Variants in RNF217 observed in about 807,000 individuals in gnomAD.
RNF217 encodes the protein ring finger protein 217, also known as E3 ubiquitin-protein ligase RNF217.
A neutral mutation model predicts 57.8 loss-of-function variants in RNF217; 31 were observed. The observed-to-expected ratio is 0.54, with a 90% CI of 0.40 to 0.72. The LOEUF is 0.72. RNF217 is among the 30% of genes least tolerant of loss of function. RNF217 has a pLI of 0.00. For synonymous variants in RNF217, 313 were observed against 294.0 expected, an observed-to-expected ratio of 1.06 and a Z score of -0.66; for missense variants, 696 against 708.3, an observed-to-expected ratio of 0.98 and a Z score of 0.20.
In RNF217 at chr6:124,962,843, C is replaced by A. The variant is rs1384764393; in HGVS notation, c.299C>A (p.Thr100Asn). 6 of 1,598,016 alleles carry A rather than the reference C, an allele frequency of 3.8e-6. No individual in the cohort carries two copies. Among genetic ancestry groups the A allele is most frequent in the Non-Finnish European group, 5.1e-6 (6 of 1,179,654 alleles). ...CTCACCGGGCCTCTCAATCCCCAGA[C>A]CTTGCCACTGCAGTTGGAGCTGGAG... ...LALTGPLNPQ[T>N]LPLQLELEEE... The change falls in exon 1 of 6, where the codon ACC becomes AAC. Residue 100 changes from threonine (T) to asparagine (N), a missense_variant. Thr to Asn is a moderately conservative substitution (Grantham distance 65). Around this residue, in one of 2 missense-constraint regions of RNF217, gnomAD observed 465 missense variants for 386.8 expected, o/e 1.20. Coordinates refer to ENST00000521654, the MANE Select transcript of RNF217 (RefSeq NM_001286398.3). The surrounding 1 kb of genome is among the most constrained non-coding windows in gnomAD (Gnocchi z 4.6).
At chr6:125,025,884 A>C (rs2114440870) in intron 1 of RNF217, among the ~76,000 whole-genome samples, 1 of 152,318 alleles carries the variant, frequency 6.6e-6, no homozygotes, top group Non-Finnish European at 1.5e-5. Context: ...TATTCTGTCA[A>C]GTACAAGGTG....
chr6:125,052,181 A>G (rs1787342646), intron 2 of RNF217, among the ~76,000 whole-genome samples: 1 of 151,914 alleles, frequency 6.6e-6, no homozygotes, highest in Non-Finnish European at 1.5e-5. Flanking sequence ...GCAATAAATA[A>G]TTGTGTTGCA....
intron 1 of RNF217, among the ~76,000 whole-genome samples, chr6:124,982,465 T>C (rs543016087): frequency 6.6e-6 from 1 of 152,250 alleles, no homozygotes; most frequent in South Asian, 2.1e-4. Flanking sequence ...ATATTTTCTA[T>C]AGCAAAAATG....
chr6:125,042,184 G>GAT (rs1401902758), intron 1 of RNF217, among the ~76,000 whole-genome samples: 1 of 152,088 alleles, frequency 6.6e-6, no homozygotes, highest in African/African-American at 2.4e-5. Flanking sequence ...TGAAAAAGAG[G>GAT]ATATTGTTAG....
At chr6:125,052,345 G>A (rs1787358899) in intron 2 of RNF217, among the ~76,000 whole-genome samples, 1 of 148,380 alleles carries the variant, frequency 6.7e-6, no homozygotes, top group African/African-American at 2.5e-5. Context: ...GTTTTGTTTT[G>A]TTTTGTTTTG....
intron 1 of RNF217, among the ~76,000 whole-genome samples, chr6:125,025,703 C>T (rs1462854235): frequency 8.4e-6 from 1 of 118,702 alleles, no homozygotes; most frequent in Non-Finnish European, 1.6e-5. Flanking sequence ...AATGTACTCC[C>T]TTATGAGTGG....
intron 1 of RNF217, among the ~76,000 whole-genome samples, chr6:125,032,219 C>T (rs1786390846): frequency 6.6e-6 from 1 of 152,096 alleles, no homozygotes; most frequent in South Asian, 2.1e-4. Context: ...TTCTCCACTA[C>T]ACAGTAAAGA....
intron 1 of RNF217, among the ~76,000 whole-genome samples, chr6:125,005,726 GTTAT>G (rs984237233): frequency 1.1e-4 from 16 of 152,254 alleles, no homozygotes; most frequent in Middle Eastern, 3.4e-3. Flanking sequence ...ATTTCATGTG[GTTAT>G]TTATTCTGTT....
chr6:125,045,507 C>T (rs1001607332), intron 2 of RNF217, 63 bp downstream of exon 2: 3 of 1,265,500 alleles, frequency 2.4e-6, no homozygotes, highest in African/African-American at 3.0e-5. Context: ...AGATTAGATC[C>T]ACTTGTCGTG....
chr6:124,973,634 C>T (rs1004551917), intron 1 of RNF217, among the ~76,000 whole-genome samples: 1 of 152,206 alleles, frequency 6.6e-6, no homozygotes, highest in East Asian at 1.9e-4. Flanking sequence ...TTCCACAATT[C>T]ATTTATTTAG....
chr6:125,076,966 T>A, intron 4 of RNF217, 108 bp downstream of exon 4: 2 of 929,880 alleles, frequency 2.2e-6, no homozygotes, highest in Non-Finnish European at 3.4e-6. Flanking sequence ...ATGTGCCCAG[T>A]GTTCAGAGGA....
intron 1 of RNF217, among the ~76,000 whole-genome samples, chr6:125,041,000 A>G (rs1027939119): frequency 6.6e-6 from 1 of 152,128 alleles, no homozygotes; most frequent in African/African-American, 2.4e-5. Context: ...CTGAATGGAC[A>G]AAAGCTGGAA....
intron 1 of RNF217, among the ~76,000 whole-genome samples, chr6:124,993,578 A>G (rs1431331148): frequency 6.6e-6 from 1 of 152,170 alleles, no homozygotes; most frequent in Non-Finnish European, 1.5e-5. Context: ...TGAACCTGAC[A>G]TGTTTTTAAG....
At chr6:124,973,197 AACACTG>A (rs553724634) in intron 1 of RNF217, among the ~76,000 whole-genome samples, 79 of 152,294 alleles carry the variant, frequency 5.2e-4, no homozygotes, top group African/African-American at 1.8e-3. Flanking sequence ...CCCAGCTCAT[AACACTG>A]TGGATAAGAT....
intron 1 of RNF217, among the ~76,000 whole-genome samples, chr6:124,978,607 C>T (rs1784050352): frequency 6.6e-6 from 1 of 152,042 alleles, no homozygotes; most frequent in Non-Finnish European, 1.5e-5. Flanking sequence ...CTTTCTTTTT[C>T]CCATAGTCTG....
chr6:125,059,584 G>C (rs887297709), intron 3 of RNF217, among the ~76,000 whole-genome samples: 11 of 152,228 alleles, frequency 7.2e-5, no homozygotes, highest in Middle Eastern at 3.4e-3. Context: ...ACTGGATTTG[G>C]AATGAGCACC....
chr6:125,076,826 A>T lies in RNF217; in HGVS notation c.1451A>T (p.His484Leu), dbSNP rs548438805. ...TATCGCTACCTCCCAGAGAGACCTCATTTAAGGAGATTAGTGCGAGGGTCA... is the reference window on the plus strand; with the variant it reads ...TATCGCTACCTCCCAGAGAGACCTCTTTTAAGGAGATTAGTGCGAGGGTCA... The part of the protein sequence containing the change: ...CKYRYLPERP[H>L]LRRLVRGSVC... The change falls in exon 4 of 6, where the codon CAT becomes CTT. Residue 484 changes from histidine to leucine, a missense_variant. Transcript: ENST00000521654. 2 of 1,613,472 alleles carry T rather than the reference A, an allele frequency of 1.2e-6. No individual in the cohort carries two copies. The highest frequency in any genetic ancestry group is 1.7e-6 in the Non-Finnish European group (2 of 1,179,614).
At chr6:125,034,334 A>G (rs1033606173) in intron 1 of RNF217, among the ~76,000 whole-genome samples, 11 of 152,196 alleles carry the variant, frequency 7.2e-5, no homozygotes, top group Non-Finnish European at 1.0e-4. Flanking sequence ...TTTAGGTCTA[A>G]CATTTAAGTC....
chr6:125,062,215 A>C (rs2114599940), intron 3 of RNF217, among the ~76,000 whole-genome samples: 1 of 152,186 alleles, frequency 6.6e-6, no homozygotes, highest in Admixed American at 6.5e-5. Context: ...AATGAAACAA[A>C]ATTTTATCTT....
Sources: gnomAD v4.1 joint callset for allele counts (sites outside exome capture counted in the v4.1 genomes callset) on GRCh38, gnomAD v4.1.1 for gene constraint, gnomAD v4.1.1 regional missense constraint, Gnocchi (gnomAD v3.1) non-coding constraint, MANE v1.5 for transcripts, NCBI Gene and HGNC (gene_info 2026-07-23, HGNC 2026-07-21) for gene names.